CHD7: variants seen among roughly 807,000 people sequenced by gnomAD.
CHD7 encodes chromodomain helicase DNA binding protein 7, also known as ATP-dependent chromatin remodeler CHD7.
CHD7 carries 24 observed loss-of-function variants against 307.3 expected under a neutral mutation model. The ratio of observed to expected loss-of-function variants is 0.08; its 90% CI spans 0.06 to 0.11. The LOEUF (loss-of-function observed/expected upper bound fraction) is 0.11. Among genes scored for constraint, CHD7 ranks in the 10% least tolerant of loss-of-function variants. The probability of loss-of-function intolerance (pLI) is 1.00; values close to 1 mark genes in which losing one functional copy is unlikely to be tolerated. For missense variants in CHD7, 3,106 were observed against 3,727.1 expected (o/e 0.83, Z 4.34); for synonymous variants, 1,363 against 1,349.9 (o/e 1.01, Z -0.21).
intron 2 of CHD7, among the ~76,000 whole-genome samples, chr8:60,777,579 C>T (rs561779680): frequency 1.3e-5 from 2 of 152,182 alleles, no homozygotes; most frequent in African/African-American, 4.8e-5. Context: ...AGGGATTGCT[C>T]TCACTTCCCC....
chr8:60,721,283 T>C (rs1807890294), intron 1 of CHD7, among the ~76,000 whole-genome samples: 1 of 152,120 alleles, frequency 6.6e-6, no homozygotes, highest in African/African-American at 2.4e-5. Context: ...GTGGTCTTAA[T>C]ACGAAGAGGA....
At chr8:60,851,216 T>C (rs1014979514) in intron 27 of CHD7, 46 bp from the exon 28 acceptor site, 3 of 1,527,330 alleles carry the variant, frequency 2.0e-6, no homozygotes, top group Non-Finnish European at 2.7e-6. Context: ...CAAAGAAAAA[T>C]GAGACCCCAA....
intron 29 of CHD7, 85 bp downstream of exon 29, chr8:60,852,332 A>T: frequency 8.0e-6 from 11 of 1,373,822 alleles, no homozygotes; most frequent in Non-Finnish European, 1.1e-5. Context: ...CAGGACTCAT[A>T]TCAAAGGTAG....
At chr8:60,759,713 C>T (rs1167489315) in intron 2 of CHD7, among the ~76,000 whole-genome samples, 1 of 152,142 alleles carries the variant, frequency 6.6e-6, no homozygotes, top group Non-Finnish European at 1.5e-5. Flanking sequence ...CCTCTTCTTA[C>T]TCATGTCTCT....
chr8:60,757,212 G>A (rs1315819521), intron 2 of CHD7, among the ~76,000 whole-genome samples: 2 of 152,102 alleles, frequency 1.3e-5, no homozygotes, highest in Admixed American at 6.5e-5. Flanking sequence ...TGTCCAGTAT[G>A]GTAGCCTGTA....
At chr8:60,752,536 A>G (rs569058888) in intron 2 of CHD7, among the ~76,000 whole-genome samples, 1 of 152,318 alleles carries the variant, frequency 6.6e-6, no homozygotes, top group Admixed American at 6.5e-5. Context: ...CAGGCAAAGA[A>G]CTTTAGATCA....
rs1489909029 is a variant in CHD7, at chr8:60,862,540, C to T, written c.7972-8C>T. On this transcript the variant is annotated splice_region_variant and splice_polypyrimidine_tract_variant and intron_variant, in intron 36 of 37. Transcript: ENST00000423902. ...GTTTTTAATCATTTGTCAAATGCCTCTACCCAGATGGGTGGAGCTATGGCG... is the reference window on the plus strand; with the variant it reads ...GTTTTTAATCATTTGTCAAATGCCTTTACCCAGATGGGTGGAGCTATGGCG... 9 of 1,561,586 alleles carry T rather than the reference C, an allele frequency of 5.8e-6. No homozygotes were observed. The highest frequency in any genetic ancestry group is 3.3e-4 in the Middle Eastern group (2 of 5,996).
intron 14 of CHD7, 37 bp from the exon 15 acceptor site, chr8:60,830,285 A>C: frequency 6.3e-7 from 1 of 1,578,920 alleles, no homozygotes; most frequent in Non-Finnish European, 8.6e-7. Flanking sequence ...TTGCAAGCAA[A>C]TCATGACACT....
At chr8:60,779,365 A>G (rs775114784) in intron 2 of CHD7, among the ~76,000 whole-genome samples, 5 of 152,188 alleles carry the variant, frequency 3.3e-5, no homozygotes, top group Admixed American at 6.5e-5. Context: ...TGCTGTGTAG[A>G]AGATGTTAGG....
At chr8:60,812,384 G>T (rs1428848738) in intron 7 of CHD7, among the ~76,000 whole-genome samples, 2 of 151,920 alleles carry the variant, frequency 1.3e-5, no homozygotes, top group African/African-American at 2.4e-5. Context: ...TCAATTTTTG[G>T]CCAGGCACAG....
rs75650362 is a variant in CHD7, at chr8:60,842,154, C to T, written c.4850+102C>T. 0.021 allele frequency: 19,211 copies of T among 916,002 alleles called. 340 individuals carry two copies. The highest frequency in any genetic ancestry group is 0.023 in the Non-Finnish European group (14,085 of 611,776). The allele number at this position is 916,002 out of a possible 1,614,324, so 56.7% of individuals were successfully genotyped here. A position where few individuals can be genotyped will look rare whatever the true frequency, so the allele number is the denominator to read the frequency against. On this transcript the variant is annotated intron_variant, in intron 21 of 37. Coordinates refer to ENST00000423902, the MANE Select transcript of CHD7 (RefSeq NM_017780.4). Reference sequence around the variant, plus strand: ...TATTTGTGTTTGAATTTGTGTGACACCCCTTTGCACAGTCAAATGAATGCT... The same window carrying T: ...TATTTGTGTTTGAATTTGTGTGACATCCCTTTGCACAGTCAAATGAATGCT...
intron 1 of CHD7, among the ~76,000 whole-genome samples, chr8:60,687,655 T>C (rs1166392911): frequency 3.9e-5 from 6 of 152,210 alleles, no homozygotes; most frequent in Non-Finnish European, 2.9e-5. Context: ...GTAATAACCA[T>C]AATGACCGGC....
chr8:60,783,014 G>C (rs551719686), intron 3 of CHD7, among the ~76,000 whole-genome samples: 1 of 152,112 alleles, frequency 6.6e-6, no homozygotes, highest in African/African-American at 2.4e-5. Flanking sequence ...TTCTAAAGAA[G>C]CTTTTTGGAG....
chr8:60,717,263 A>G (rs1807657166), intron 1 of CHD7, among the ~76,000 whole-genome samples: 1 of 152,196 alleles, frequency 6.6e-6, no homozygotes, highest in Non-Finnish European at 1.5e-5. Context: ...AAGATAGTGT[A>G]TCATTGTGGT....
intron 6 of CHD7, among the ~76,000 whole-genome samples, chr8:60,804,473 A>T (rs1049503127): frequency 6.6e-6 from 1 of 152,180 alleles, no homozygotes; most frequent in African/African-American, 2.4e-5. Flanking sequence ...TATGTAGCTG[A>T]GCCTCCTAGA....
intron 15 of CHD7, among the ~76,000 whole-genome samples, chr8:60,832,325 A>C (rs528026426): frequency 6.6e-6 from 1 of 152,240 alleles, no homozygotes; most frequent in African/African-American, 2.4e-5. Context: ...GCACCTGGCC[A>C]GTGAATTTCT....
At position 60,743,048 on chromosome 8, in the gene CHD7, A is replaced by C; in HGVS notation, c.1616A>C (p.Gln539Pro). The C allele has an allele frequency of 1.9e-6, 3 of 1,613,988 alleles. No homozygotes were observed. The highest frequency in any genetic ancestry group is 2.5e-6 in the Non-Finnish European group (3 of 1,179,882). Residue 539 changes from glutamine to proline, a missense_variant, in exon 2 of 38, where the codon CAG becomes CCG. By Grantham distance (76) the Gln-to-Pro change is moderately conservative. Transcript: ENST00000423902. The stretch of plus-strand genomic sequence containing the variant: ...CACCCTCATCACCAGCCTTGGGCAC[A>C]GCTCCACCCATCACCCCAGAACACC... ...PPHPHHQPWA[Q>P]LHPSPQNTPQ...
In CHD7 at chr8:60,854,648, AT is replaced by A; in HGVS notation, c.6936+130del. On this transcript the variant is annotated intron_variant, in intron 32 of 37. Transcript: ENST00000423902. ...TTGACACAGTATATGAAGACTATAG[AT>A]TTTTCTTATACTTTTAAAGAATGAT... The A allele has an allele frequency of 1.1e-5, 8 of 757,636 alleles. No homozygotes were observed. The South Asian group carries it at 3.0e-4, about 28-fold the overall frequency. The allele number at this position is 757,636 out of a possible 1,614,324, so 46.9% of individuals were successfully genotyped here.
chr8:60,804,559 T>C (rs1812454961), intron 6 of CHD7, among the ~76,000 whole-genome samples: 1 of 152,226 alleles, frequency 6.6e-6, no homozygotes, highest in Non-Finnish European at 1.5e-5. Flanking sequence ...TGTGATTTGG[T>C]GTCTCTAGTA....
Sources: allele counts gnomAD v4.1 joint callset (sites outside exome capture counted in the v4.1 genomes callset), GRCh38; gene constraint gnomAD v4.1.1; transcripts MANE v1.5; gene names NCBI Gene and HGNC (gene_info 2026-07-23, HGNC 2026-07-21).